PSG2: variants seen among roughly 807,000 people sequenced by gnomAD.
The protein encoded by PSG2 is pregnancy specific beta-1-glycoprotein 2, also known as pregnancy-specific beta-1-glycoprotein 2.
PSG2 carries 49 observed loss-of-function variants against 36.2 expected under a neutral mutation model. That is an observed-to-expected ratio of 1.35 (90% confidence interval 1.08 to 1.72). The LOEUF is 1.72. Among genes scored for constraint, PSG2 ranks in the 40% most tolerant of loss-of-function variants. The pLI is 0.00. For synonymous variants in PSG2, 261 were observed against 155.6 expected, an observed-to-expected ratio of 1.68 and a Z score of -5.04; for missense variants, 605 against 407.2, an observed-to-expected ratio of 1.49 and a Z score of -4.18.
chr19:43,076,993 G>T (rs1967906170), intron 2 of PSG2, among the ~76,000 whole-genome samples: 1 of 151,494 alleles, frequency 6.6e-6, no homozygotes, highest in Admixed American at 6.6e-5. Context: ...GATTTGGGAT[G>T]CTCAATTCGT....
chr19:43,068,974 G>T (rs574469627), intron 4 of PSG2, among the ~76,000 whole-genome samples: 2 of 151,534 alleles, frequency 1.3e-5, no homozygotes, highest in African/African-American at 2.4e-5. Flanking sequence ...TCCTAAAGGT[G>T]GAACAAACCT....
In PSG2 at chr19:43,076,360, C is replaced by T. The variant is rs186970856; in HGVS notation, c.431-728G>A. Among the ~76,000 whole-genome samples the T allele has an allele frequency of 4.4e-3, 662 of 151,810 alleles. 26 individuals carry two copies. Among genetic ancestry groups the T allele is most frequent in the African/African-American group, 0.016 (640 of 41,204 alleles). ...TCTGAACAAGACCATGTGCCCTGTTCTGGGTCCACAATGCTCCCTTCCCCC... is the reference window on the plus strand; with the variant it reads ...TCTGAACAAGACCATGTGCCCTGTTTTGGGTCCACAATGCTCCCTTCCCCC... On this transcript the variant is annotated intron_variant, in intron 2 of 5. Coordinates refer to ENST00000406487, the MANE Select transcript of PSG2 (RefSeq NM_031246.4).
intron 3 of PSG2, 133 bp downstream of exon 3, chr19:43,075,221 A>G: frequency 6.3e-7 from 1 of 1,580,976 alleles, no homozygotes; most frequent in Non-Finnish European, 8.6e-7. Flanking sequence ...CTGGGGCAGA[A>G]AGTCATGGCC....
intron 2 of PSG2, among the ~76,000 whole-genome samples, 159 bp from the exon 3 acceptor site, chr19:43,075,791 G>C (rs1021832209): frequency 6.6e-6 from 1 of 151,684 alleles, no homozygotes; most frequent in Non-Finnish European, 1.5e-5. Flanking sequence ...ATGGCAATCT[G>C]AGGGCTCAGT....
intron 2 of PSG2, 100 bp downstream of exon 2, chr19:43,080,781 G>A: frequency 2.5e-6 from 4 of 1,603,896 alleles, no homozygotes; most frequent in Non-Finnish European, 3.4e-6. Context: ...ACATAATGCA[G>A]AGAGGGACAC....
At chr19:43,082,451 C>A (rs2122923635) in intron 1 of PSG2, 55 bp downstream of exon 1, 11 of 1,594,300 alleles carry the variant, frequency 6.9e-6, no homozygotes, top group East Asian at 2.2e-5. Context: ...CAGGAGACCC[C>A]ATCCAGTCAC....
chr19:43,070,878 A>G (rs144224931), intron 4 of PSG2, among the ~76,000 whole-genome samples: 15,199 of 151,598 alleles, frequency 0.1, 1,022 homozygotes, highest in Admixed American at 0.15. Flanking sequence ...CTATAATTAC[A>G]CACTTTTTGG....
chr19:43,074,494 A>T (rs760665323), intron 3 of PSG2, among the ~76,000 whole-genome samples: 1 of 151,648 alleles, frequency 6.6e-6, no homozygotes, highest in African/African-American at 2.4e-5. Flanking sequence ...TTCCTTTCAG[A>T]TTGTTCATTG....
Position 43,071,889 on chromosome 19 carries a change from A to G in PSG2, c.775T>C (p.Leu259=). 1.2e-6 allele frequency: 2 copies of G among 1,612,882 alleles called. No individual in the cohort carries two copies. Among genetic ancestry groups the G allele is most frequent in the Non-Finnish European group, 1.7e-6 (2 of 1,179,364 alleles). The part of the protein sequence containing the change: ...TNYRSGDNLY[L]SCFANSNPPA... ...GGGTTAGAGTTCGCGAAGCAAGACA[A>G]GTAGAGGTTATCTCCTGAACGGTAA... The change falls in exon 4 of 6, where the codon TTG becomes CTG. Residue 259 remains leucine (L), a synonymous_variant. Coordinates refer to ENST00000406487, the MANE Select transcript of PSG2 (RefSeq NM_031246.4).
chr19:43,081,959 C>T (rs1159093956), intron 1 of PSG2: 4 of 152,550 alleles, frequency 2.6e-5, no homozygotes, highest in Non-Finnish European at 5.8e-5. Flanking sequence ...CAAAATGTGG[C>T]CCCTGATGAT....
chr19:43,078,553 C>T (rs1967928662), intron 2 of PSG2, among the ~76,000 whole-genome samples: 1 of 151,654 alleles, frequency 6.6e-6, no homozygotes, highest in African/African-American at 2.4e-5. Context: ...GTGGTCCCTA[C>T]CTAGAGGCGG....
At chr19:43,079,544 T>C (rs1967942088) in intron 2 of PSG2, among the ~76,000 whole-genome samples, 1 of 151,632 alleles carries the variant, frequency 6.6e-6, no homozygotes, top group African/African-American at 2.4e-5. Flanking sequence ...ACTGGGCCTG[T>C]GCTGATGCAG....
chr19:43,082,570 G>A lies in PSG2; in HGVS notation c.-1C>T, dbSNP rs145401251. 1 of 1,611,668 alleles carries A rather than the reference G, an allele frequency of 6.2e-7. No homozygotes were observed. Among genetic ancestry groups the A allele is most frequent in the East Asian group, 2.2e-5 (1 of 44,802 alleles). On this transcript the variant is annotated 5_prime_UTR_variant, in exon 1 of 6. Transcript: ENST00000406487. Reference sequence around the variant, plus strand: ...AGGGAGGGGCTGAGAGGGGCCCCATGGTCTCTGCTGCCTGTGTGTTCTCCT... The same window carrying A: ...AGGGAGGGGCTGAGAGGGGCCCCATAGTCTCTGCTGCCTGTGTGTTCTCCT...
intron 4 of PSG2, among the ~76,000 whole-genome samples, chr19:43,070,151 C>T (rs1000941378): frequency 6.6e-6 from 1 of 151,568 alleles, no homozygotes; most frequent in African/African-American, 2.4e-5. Context: ...ACCTCACACA[C>T]TTTAGGATGG....
At chr19:43,068,094 T>C in intron 4 of PSG2, among the ~76,000 whole-genome samples, 1 of 151,492 alleles carries the variant, frequency 6.6e-6, no homozygotes, top group East Asian at 1.9e-4. Context: ...AACCATTAAC[T>C]AGATTGACTA....
chr19:43,068,696 T>C (rs1048419321), intron 4 of PSG2, among the ~76,000 whole-genome samples: 1 of 151,538 alleles, frequency 6.6e-6, no homozygotes, highest in African/African-American at 2.4e-5. Flanking sequence ...AAGAAAAACA[T>C]TGTAAGAATG....
intron 2 of PSG2, among the ~76,000 whole-genome samples, chr19:43,076,220 G>A (rs1341611079): frequency 1.3e-5 from 2 of 151,632 alleles, no homozygotes; most frequent in African/African-American, 4.9e-5. Context: ...ACAAGGTGGG[G>A]CAGTTTTCCC....
At chr19:43,073,175 C>A (rs188507206) in intron 3 of PSG2, among the ~76,000 whole-genome samples, 1 of 151,794 alleles carries the variant, frequency 6.6e-6, no homozygotes, top group Non-Finnish European at 1.5e-5. Context: ...CAGAGTCAAG[C>A]CTGGAGGTCA....
intron 2 of PSG2, among the ~76,000 whole-genome samples, chr19:43,080,312 A>G (rs1194814527): frequency 1.3e-5 from 2 of 151,642 alleles, no homozygotes; most frequent in Non-Finnish European, 2.9e-5. Flanking sequence ...CCTCTACACC[A>G]TTGCCCAGAT....
Sources: allele counts gnomAD v4.1 joint callset (sites outside exome capture counted in the v4.1 genomes callset), GRCh38; gene constraint gnomAD v4.1.1; transcripts MANE v1.5; gene names NCBI Gene and HGNC (gene_info 2026-07-23, HGNC 2026-07-21).